The following EXOC4 variants were observed in gnomAD, a reference collection of about 807,000 sequenced individuals.
EXOC4 encodes the protein SEC8-like 1.
EXOC4 carries 71 observed loss-of-function variants against 107.2 expected under a neutral mutation model. The observed-to-expected ratio is 0.66, with a 90% CI of 0.55 to 0.81. The LOEUF (loss-of-function observed/expected upper bound fraction) is 0.81, where lower values mean the gene tolerates loss of function less well. EXOC4 is among the 30% of genes least tolerant of loss of function. The probability of loss-of-function intolerance (pLI) is 0.00; values close to 1 mark genes in which losing one functional copy is unlikely to be tolerated. For missense variants in EXOC4, 1,108 were observed against 1,189.6 expected, an observed-to-expected ratio of 0.93 and a Z score of 1.01; for synonymous variants, 456 against 441.2, an observed-to-expected ratio of 1.03 and a Z score of -0.42.
chr7:133,372,598 C>T (rs1314098911), intron 6 of EXOC4, among the ~76,000 whole-genome samples: 1 of 152,168 alleles, frequency 6.6e-6, no homozygotes. Flanking sequence ...AGCTCTTGTC[C>T]TTGACTGACA....
intron 7 of EXOC4, among the ~76,000 whole-genome samples, chr7:133,439,969 A>G (rs1233643170): frequency 6.6e-6 from 1 of 152,212 alleles, no homozygotes; most frequent in Non-Finnish European, 1.5e-5. Flanking sequence ...CACATTGCTT[A>G]TTGTGAGTTA....
chr7:133,336,789 A>T (rs1795526731), intron 5 of EXOC4, among the ~76,000 whole-genome samples: 1 of 150,734 alleles, frequency 6.6e-6, no homozygotes, highest in Non-Finnish European at 1.5e-5. Context: ...GCTGGAGTGC[A>T]GTGGCACCAT....
intron 11 of EXOC4, among the ~76,000 whole-genome samples, chr7:133,865,727 A>G (rs561605479): frequency 6.6e-6 from 1 of 152,318 alleles, no homozygotes; most frequent in African/African-American, 2.4e-5. Context: ...CAGGAGAGAG[A>G]GAGCAAAGAG....
At chr7:133,947,104 G>C (rs1204876185) in intron 14 of EXOC4, among the ~76,000 whole-genome samples, 1 of 152,194 alleles carries the variant, frequency 6.6e-6, no homozygotes, top group Non-Finnish European at 1.5e-5. Context: ...AGCTAAATAG[G>C]TCTTCTCACC....
At chr7:133,793,370 C>A (rs1448173300) in intron 10 of EXOC4, among the ~76,000 whole-genome samples, 1 of 152,090 alleles carries the variant, frequency 6.6e-6, no homozygotes, top group African/African-American at 2.4e-5. Flanking sequence ...TGTGCCCAGA[C>A]CCAGGCAGTT....
chr7:133,396,751 A>G (rs1022569854), intron 7 of EXOC4, among the ~76,000 whole-genome samples: 9 of 152,084 alleles, frequency 5.9e-5, no homozygotes, highest in Non-Finnish European at 1.2e-4. Flanking sequence ...AAGTGTGCCT[A>G]TTTTACAGAG....
At chr7:133,263,733 A>ATG (rs939061469) in intron 1 of EXOC4, among the ~76,000 whole-genome samples, 5 of 151,808 alleles carry the variant, frequency 3.3e-5, no homozygotes, top group African/African-American at 4.8e-5. Flanking sequence ...AAAAATTTAT[A>ATG]TGTGTGTGTG....
chr7:133,649,269 G>A (rs1319464719), intron 10 of EXOC4, among the ~76,000 whole-genome samples: 1 of 151,998 alleles, frequency 6.6e-6, no homozygotes, highest in African/African-American at 2.4e-5. Flanking sequence ...CATGCCTGAA[G>A]CTTCATTATT....
At position 133,253,136 on chromosome 7, in the gene EXOC4, G is replaced by C. The variant is rs759071721; in HGVS notation, c.35G>C (p.Ser12Thr). The C allele has an allele frequency of 1.2e-6, 2 of 1,614,206 alleles. No homozygotes were observed. The highest frequency in any genetic ancestry group is 1.7e-6 in the Non-Finnish European group (2 of 1,180,026). The change falls in exon 1 of 18, where the codon AGC (serine) becomes ACC (threonine). Residue 12 changes from serine (S) to threonine (T), a missense_variant. Coordinates refer to ENST00000253861, the MANE Select transcript of EXOC4 (RefSeq NM_021807.4). ...GAAGCAGCTGGTGGGAAATACAGAA[G>C]CACAGTCAGCAAAAGCAAAGACCCC... The part of the protein sequence containing the change: ...AAEAAGGKYR[S>T]TVSKSKDPSG...
rs528796775 is a variant in EXOC4 at position 133,987,728 on chromosome 7, G to A, written c.2207-9764G>A. Among the ~76,000 whole-genome samples, 9 of 152,028 alleles carry A rather than the reference G, an allele frequency of 5.9e-5. No homozygotes were observed. In the East Asian group the frequency reaches 7.7e-4, roughly 13 times the overall value. ...CAGTGTTAACCTTTCCTTTCGTGCCGAGATAACCATCTTTCCCTTTTCAAT... is the reference window on the plus strand; with the variant it reads ...CAGTGTTAACCTTTCCTTTCGTGCCAAGATAACCATCTTTCCCTTTTCAAT... On this transcript the variant is annotated intron_variant, in intron 14 of 17. Coordinates refer to ENST00000253861, the MANE Select transcript of EXOC4 (RefSeq NM_021807.4).
intron 10 of EXOC4, among the ~76,000 whole-genome samples, chr7:133,670,653 C>T (rs893760488): frequency 6.6e-6 from 1 of 152,136 alleles, no homozygotes; most frequent in African/African-American, 2.4e-5. Flanking sequence ...TTGTTTGTGT[C>T]TCTATCTCTA....
intron 14 of EXOC4, among the ~76,000 whole-genome samples, chr7:133,986,468 A>G (rs1794115811): frequency 6.6e-6 from 1 of 152,214 alleles, no homozygotes; most frequent in African/African-American, 2.4e-5. Flanking sequence ...GTAGCTTTGG[A>G]AAAAGGGACT....
chr7:134,028,952 G>T (rs1016854205), intron 17 of EXOC4, among the ~76,000 whole-genome samples: 1 of 152,354 alleles, frequency 6.6e-6, no homozygotes, highest in East Asian at 1.9e-4. Context: ...CTAGCAAAGA[G>T]ATGTGAAAGG....
Position 133,334,111 on chromosome 7 carries a change from C to A in EXOC4, c.763+16721C>A, listed in dbSNP as rs184701667. 2.2e-3 allele frequency among the ~76,000 whole-genome samples: 338 copies of A among 152,228 alleles called. 6 individuals are homozygous for A. Among genetic ancestry groups the A allele is most frequent in the Admixed American group, 0.021 (321 of 15,274 alleles). ...ACTGTTTTTATTTCATTTGAGTTCT[C>A]CTAGATCTCAGTTGATTTTAATTAT... On this transcript the variant is annotated intron_variant, in intron 5 of 17. Coordinates refer to ENST00000253861, the MANE Select transcript of EXOC4 (RefSeq NM_021807.4).
At position 133,526,780 on chromosome 7, in the gene EXOC4, G is replaced by A. The variant is rs554659404; in HGVS notation, c.1417+46642G>A. 3.3e-5 allele frequency among the ~76,000 whole-genome samples: 5 copies of A among 152,212 alleles called. 1 individual carries two copies. Among genetic ancestry groups the A allele is most frequent in the Admixed American group, 3.3e-4 (5 of 15,300 alleles). On this transcript the variant is annotated intron_variant, in intron 9 of 17. Coordinates refer to ENST00000253861, the MANE Select transcript of EXOC4 (RefSeq NM_021807.4). The stretch of plus-strand genomic sequence containing the variant: ...AGGTCAAGAGATCGAGACCATCCTG[G>A]CCAACATGGTGAAACCTCGCCTCCA...
At chr7:133,960,367 T>C (rs548621610) in intron 14 of EXOC4, among the ~76,000 whole-genome samples, 9 of 152,212 alleles carry the variant, frequency 5.9e-5, no homozygotes, top group Non-Finnish European at 1.0e-4. Flanking sequence ...ACTGGCTTCA[T>C]AGAATGATTT....
chr7:133,325,490 G>A (rs566474637), intron 5 of EXOC4, among the ~76,000 whole-genome samples: 2 of 152,152 alleles, frequency 1.3e-5, no homozygotes, highest in Non-Finnish European at 2.9e-5. Context: ...GGCTGGATAT[G>A]AAATTCTGGG....
chr7:133,796,344 A>C (rs1481229688), intron 10 of EXOC4, among the ~76,000 whole-genome samples: 3 of 152,222 alleles, frequency 2.0e-5, no homozygotes, highest in Non-Finnish European at 4.4e-5. Context: ...TCTGGTGGAA[A>C]TAGGGCCAGA....
rs1794608957 is a variant in EXOC4, at chr7:134,004,900, T to C, written c.2349-12T>C. 1 of 1,607,616 alleles carries C rather than the reference T, an allele frequency of 6.2e-7. No individual in the cohort carries two copies. On this transcript the variant is annotated splice_polypyrimidine_tract_variant and intron_variant, in intron 15 of 17. Transcript: ENST00000253861. ...TATTATTAACTGCTCTCCCTATCTCTCTCTTTTTCAGGGTTCACTGTTTCC... is the reference window on the plus strand; with the variant it reads ...TATTATTAACTGCTCTCCCTATCTCCCTCTTTTTCAGGGTTCACTGTTTCC...
Sources: gnomAD v4.1 joint callset for allele counts (sites outside exome capture counted in the v4.1 genomes callset) on GRCh38, gnomAD v4.1.1 for gene constraint, MANE v1.5 for transcripts, NCBI Gene and HGNC (gene_info 2026-07-23, HGNC 2026-07-21) for gene names.